The following KIAA0825 variants were observed in gnomAD, a reference collection of about 807,000 sequenced individuals.
The protein encoded by KIAA0825 is KIAA0825, also known as uncharacterized protein KIAA0825.
Under a neutral mutation model 147.6 loss-of-function variants are expected in KIAA0825, and 119 were observed. The ratio of observed to expected loss-of-function variants is 0.81; its 90% confidence interval spans 0.69 to 0.94. The LOEUF is 0.94. KIAA0825 is among the 40% of genes least tolerant of loss of function. The pLI, the probability that KIAA0825 is intolerant of heterozygous loss-of-function variation, is 0.00. For synonymous variants in KIAA0825, 470 were observed against 518.1 expected (o/e 0.91, Z 1.26); for missense variants, 1,381 against 1,472.7 (o/e 0.94, Z 1.02).
chr5:94,310,305 T>C (rs1779043889), intron 20 of KIAA0825, among the ~76,000 whole-genome samples: 1 of 151,692 alleles, frequency 6.6e-6, no homozygotes, highest in South Asian at 2.1e-4. Flanking sequence ...ATGTTCTTAC[T>C]GAAACGGGAT....
At chr5:94,495,248 G>C (rs1032054158) in intron 5 of KIAA0825, among the ~76,000 whole-genome samples, 1 of 152,326 alleles carries the variant, frequency 6.6e-6, no homozygotes, top group Admixed American at 6.5e-5. Flanking sequence ...TAGAGAAGAC[G>C]TGTCTCAGGT....
intron 20 of KIAA0825, among the ~76,000 whole-genome samples, chr5:94,163,983 G>A (rs1373539524): frequency 6.6e-6 from 1 of 152,158 alleles, no homozygotes; most frequent in Admixed American, 6.5e-5. Context: ...AGCATGTATA[G>A]CTTATGTTTT....
chr5:94,581,933 T>C (rs887738220), intron 2 of KIAA0825, among the ~76,000 whole-genome samples: 1 of 152,220 alleles, frequency 6.6e-6, no homozygotes, highest in African/African-American at 2.4e-5. Flanking sequence ...ACAGTTCCCT[T>C]TCAGAGTCTG....
chr5:94,176,486 T>C (rs992352370), intron 20 of KIAA0825, among the ~76,000 whole-genome samples: 3 of 152,110 alleles, frequency 2.0e-5, no homozygotes, highest in Middle Eastern at 6.3e-3. Context: ...TAATATGCAA[T>C]AGAACTGACA....
chr5:94,229,553 T>A (rs1774507240), intron 20 of KIAA0825, among the ~76,000 whole-genome samples: 2 of 151,216 alleles, frequency 1.3e-5, no homozygotes, highest in Admixed American at 1.3e-4. Context: ...TTTCTGACAA[T>A]ATTTTCTGTT....
In KIAA0825 at chr5:94,272,102, G is replaced by A. The variant is rs1405860604; in HGVS notation, c.3710+112266C>T. On this transcript the variant is annotated intron_variant, in intron 20 of 20. Coordinates refer to ENST00000682413, the MANE Select transcript of KIAA0825 (RefSeq NM_001145678.3). Reference sequence around the variant, plus strand: ...CATTGCATCTTCTCACTTATTTGTAGGAGCAAAAAAAAAAAAAAAAAAAAA... The same window carrying A: ...CATTGCATCTTCTCACTTATTTGTAAGAGCAAAAAAAAAAAAAAAAAAAAA... 1.5e-4 allele frequency among the ~76,000 whole-genome samples: 13 copies of A among 89,578 alleles called. No individual in the cohort carries two copies. The South Asian group carries it at 3.2e-3, about 22-fold the overall frequency. The allele number at this position is 89,578 out of a possible 152,430, so 58.8% of individuals were successfully genotyped here. A position where few individuals can be genotyped will look rare whatever the true frequency, so the allele number is the denominator to read the frequency against.
chr5:94,495,310 C>G (rs1216245584), intron 5 of KIAA0825, among the ~76,000 whole-genome samples: 1 of 152,142 alleles, frequency 6.6e-6, no homozygotes, highest in African/African-American at 2.4e-5. Context: ...TAGCTGCCTT[C>G]CTCTCCTAAA....
chr5:94,564,084 C>T, intron 2 of KIAA0825, among the ~76,000 whole-genome samples: 1 of 152,152 alleles, frequency 6.6e-6, no homozygotes, highest in East Asian at 1.9e-4. Flanking sequence ...CTATACTTGA[C>T]ACTAGTTCCG....
chr5:94,585,714 C>T (rs1292373987), intron 1 of KIAA0825, among the ~76,000 whole-genome samples: 2 of 152,304 alleles, frequency 1.3e-5, no homozygotes, highest in African/African-American at 4.8e-5. Context: ...CAGAACTCTA[C>T]ACCCCAAATC....
chr5:94,592,917 G>T, intron 1 of KIAA0825: 1 of 573,448 alleles, frequency 1.7e-6, no homozygotes, highest in Non-Finnish European at 3.3e-6. Flanking sequence ...TAGATGAGGA[G>T]CAAATATTTG....
At chr5:94,342,704 T>A (rs964138285) in intron 20 of KIAA0825, among the ~76,000 whole-genome samples, 3 of 152,124 alleles carry the variant, frequency 2.0e-5, no homozygotes, top group Non-Finnish European at 2.9e-5. Context: ...TTCTTTGAGA[T>A]TAGGATGACA....
At position 94,152,856 on chromosome 5, in the gene KIAA0825, T is replaced by TA. The variant is rs1766649090; in HGVS notation, c.*1150_*1151insT. On this transcript the variant is annotated 3_prime_UTR_variant, in exon 21 of 21. Transcript: ENST00000682413. ...AAAAAAAAAAAAAAAAAAAAAAAAATTATATATATATATATATATATATAT... is the reference window on the plus strand; with the variant it reads ...AAAAAAAAAAAAAAAAAAAAAAAAATATATATATATATATATATATATATAT... The TA allele has an allele frequency of 4.3e-3, 12 of 2,760 alleles. No individual in the cohort carries two copies. The highest frequency in any genetic ancestry group is 7.8e-3 in the Non-Finnish European group (11 of 1,414). 0.2% of individuals were successfully genotyped at this position (2,760 alleles called of 1,614,324 possible).
chr5:94,447,935 A>T, intron 13 of KIAA0825, among the ~76,000 whole-genome samples: 1 of 152,044 alleles, frequency 6.6e-6, no homozygotes, highest in East Asian at 1.9e-4. Flanking sequence ...CACTGATTAT[A>T]CTTCTTGGAC....
chr5:94,177,577 T>G (rs1340289667), intron 20 of KIAA0825, among the ~76,000 whole-genome samples: 6 of 152,072 alleles, frequency 3.9e-5, no homozygotes, highest in Non-Finnish European at 8.8e-5. Context: ...TGTATTAATA[T>G]TGGAGTGGGA....
intron 5 of KIAA0825, among the ~76,000 whole-genome samples, chr5:94,497,180 C>T (rs1350877722): frequency 6.6e-6 from 1 of 152,046 alleles, no homozygotes; most frequent in Non-Finnish European, 1.5e-5. Context: ...AAAGTAAATC[C>T]ACTCTGAGAA....
intron 20 of KIAA0825, among the ~76,000 whole-genome samples, chr5:94,274,825 T>C (rs541724267): frequency 2.0e-5 from 3 of 152,290 alleles, no homozygotes; most frequent in South Asian, 4.1e-4. Flanking sequence ...CATCCTTTCA[T>C]GTCCAACAGA....
chr5:94,466,936 T>C (rs1760619582), intron 10 of KIAA0825, among the ~76,000 whole-genome samples: 1 of 152,098 alleles, frequency 6.6e-6, no homozygotes. Context: ...CAGTTGATAG[T>C]GACTAGCATG....
intron 5 of KIAA0825, among the ~76,000 whole-genome samples, chr5:94,505,188 A>G (rs1000309895): frequency 2.0e-5 from 3 of 151,780 alleles, no homozygotes; most frequent in Non-Finnish European, 2.9e-5. Context: ...GTGAAACCCT[A>G]TCTCTACTAC....
intron 20 of KIAA0825, among the ~76,000 whole-genome samples, chr5:94,347,768 A>G (rs1783184127): frequency 6.6e-6 from 1 of 152,240 alleles, no homozygotes. Context: ...CTAGTTCACC[A>G]GCAATGGATC....
Sources: allele counts gnomAD v4.1 joint callset (sites outside exome capture counted in the v4.1 genomes callset), GRCh38; gene constraint gnomAD v4.1.1; transcripts MANE v1.5; gene names NCBI Gene and HGNC (gene_info 2026-07-23, HGNC 2026-07-21).